RANBP2: variants seen among roughly 807,000 people sequenced by gnomAD.
The protein encoded by RANBP2 is RAN binding protein 2.
A neutral mutation model predicts 303.6 loss-of-function variants in RANBP2; 57 were observed. The observed-to-expected ratio is 0.19, with a 90% CI of 0.15 to 0.23. The LOEUF (loss-of-function observed/expected upper bound fraction) is 0.23, where lower values mean the gene tolerates loss of function less well. RANBP2 is among the 10% of genes least tolerant of loss of function. RANBP2 has a pLI of 1.00. For synonymous variants in RANBP2, 1,167 were observed against 1,301.5 expected (o/e 0.90, Z 2.23); for missense variants, 3,138 against 3,780.8 (o/e 0.83, Z 4.46).
At chr2:109,388,844 G>A in the RANBP2 span, among the ~76,000 whole-genome samples, 18 of 152,140 alleles carry the variant, frequency 1.2e-4, no homozygotes, top group Non-Finnish European at 2.5e-4. Flanking sequence ...CTAGAGAGAA[G>A]GGGGTATAGA....
In RANBP2 at chr2:108,753,943, G is replaced by C. The variant is rs148607056; in HGVS notation, c.2174G>C (p.Ser725Thr). Residue 725 changes from serine (S) to threonine (T), a missense_variant, in exon 15 of 29, where the codon AGT (serine) becomes ACT (threonine). By Grantham distance (58) the Ser-to-Thr change is moderately conservative (BLOSUM62 1). Transcript: ENST00000283195. ...RDYLIKIIDD[S>T]DSNLSVVKKL... is the part of the protein sequence containing the mutation. ...TACCTAATAAAGATTATAGATGACA[G>C]TGATTCAAATCTTTCAGTGGTCAAG... The C allele has an allele frequency of 1.9e-6, 3 of 1,611,824 alleles. No homozygotes were observed. In the African/African-American group the frequency reaches 4.0e-5, roughly 22 times the overall value.
chr2:109,201,175 T>TGGCTG, the RANBP2 span, among the ~76,000 whole-genome samples: 1 of 152,256 alleles, frequency 6.6e-6, no homozygotes, highest in South Asian at 2.1e-4. Flanking sequence ...GGCCTCTGCA[T>TGGCTG]GGCTGCAAGA....
the RANBP2 span, chr2:109,565,695 A>C: frequency 2.3e-6 from 3 of 1,279,010 alleles, no homozygotes; most frequent in Admixed American, 1.7e-5. Context: ...ACCCCAAAGA[A>C]GGCATGACAG....
chr2:108,862,287 T>C, the RANBP2 span, among the ~76,000 whole-genome samples: 4 of 152,278 alleles, frequency 2.6e-5, no homozygotes, highest in African/African-American at 7.2e-5. Context: ...TATATGGGCA[T>C]TGGTGACCAG....
At chr2:109,097,825 G>T in the RANBP2 span, among the ~76,000 whole-genome samples, 8 of 151,962 alleles carry the variant, frequency 5.3e-5, no homozygotes, top group South Asian at 1.7e-3. Flanking sequence ...GGTGGTCGGG[G>T]ACAGGCATGT....
At chr2:109,503,078 T>A in the RANBP2 span, 1 of 152,152 alleles carries the variant, frequency 6.6e-6, no homozygotes, top group Non-Finnish European at 1.5e-5. Flanking sequence ...GAATGTATAT[T>A]CATTAGCACC....
the RANBP2 span, among the ~76,000 whole-genome samples, chr2:108,978,046 C>T: frequency 1.2e-4 from 18 of 152,232 alleles, no homozygotes; most frequent in Non-Finnish European, 2.5e-4. Context: ...GGTTCAAAGT[C>T]GTTCTTCCTT....
chr2:108,848,178 G>A, the RANBP2 span, among the ~76,000 whole-genome samples: 1 of 152,118 alleles, frequency 6.6e-6, no homozygotes, highest in Non-Finnish European at 1.5e-5. Context: ...TAAGATGTTT[G>A]AAATAATATG....
At chr2:109,135,292 T>TG in the RANBP2 span, among the ~76,000 whole-genome samples, 1 of 152,052 alleles carries the variant, frequency 6.6e-6, no homozygotes, top group Non-Finnish European at 1.5e-5. Flanking sequence ...CCTGAGGCGG[T>TG]GGCCTGCCAC....
At chr2:109,630,791 C>T in the RANBP2 span, among the ~76,000 whole-genome samples, 2 of 152,152 alleles carry the variant, frequency 1.3e-5, no homozygotes, top group African/African-American at 4.8e-5. Context: ...TGAGGCTGGG[C>T]GCGGTGGCTC....
At chr2:109,432,585 G>A in the RANBP2 span, 1 of 1,613,536 alleles carries the variant, frequency 6.2e-7, no homozygotes, top group Admixed American at 1.7e-5. Flanking sequence ...TCCTCGAGAA[G>A]TGTCAGGATG....
the RANBP2 span, among the ~76,000 whole-genome samples, chr2:109,170,206 T>C: frequency 6.6e-6 from 1 of 151,916 alleles, no homozygotes; most frequent in Admixed American, 6.6e-5. Flanking sequence ...AGATGTTTTC[T>C]TTCTCTCTCT....
At chr2:109,040,200 T>G in the RANBP2 span, among the ~76,000 whole-genome samples, 2 of 152,210 alleles carry the variant, frequency 1.3e-5, no homozygotes, top group Non-Finnish European at 2.9e-5. Flanking sequence ...CAGTACAATT[T>G]ATTGAAAAGA....
the RANBP2 span, among the ~76,000 whole-genome samples, chr2:109,058,840 G>A: frequency 2.6e-5 from 4 of 152,182 alleles, no homozygotes; most frequent in African/African-American, 9.7e-5. Flanking sequence ...GAGGCTAATG[G>A]GGGCAGTGAG....
At chr2:109,407,718 A>G in the RANBP2 span, among the ~76,000 whole-genome samples, 1 of 148,800 alleles carries the variant, frequency 6.7e-6, no homozygotes, top group Admixed American at 6.7e-5. Context: ...GGGAGGCAAA[A>G]CAAAGTACCA....
the RANBP2 span, among the ~76,000 whole-genome samples, chr2:109,028,762 G>A: frequency 9.9e-5 from 15 of 151,996 alleles, no homozygotes; most frequent in African/African-American, 3.6e-4. Flanking sequence ...CTTGACCCTG[G>A]ACCTAAAGCA....
chr2:109,667,826 G>T, the RANBP2 span: 1 of 188,330 alleles, frequency 5.3e-6, no homozygotes. Flanking sequence ...GTCAGAGGGT[G>T]CAGAAGGCCA....
the RANBP2 span, chr2:109,794,824 CTTGTTCCCGACGG>C: frequency 1.9e-5 from 4 of 212,806 alleles, no homozygotes; most frequent in African/African-American, 3.1e-4. Context: ...GTTCCCGACG[CTTGTTCCCGACGG>C]TGCTCGCTCC....
the RANBP2 span, among the ~76,000 whole-genome samples, chr2:109,172,405 C>T: frequency 6.6e-6 from 1 of 152,222 alleles, no homozygotes; most frequent in Admixed American, 6.5e-5. Context: ...TGGAGGTCTT[C>T]CTTTTTCTGT....
Sources: allele counts gnomAD v4.1 joint callset (sites outside exome capture counted in the v4.1 genomes callset), GRCh38; gene constraint gnomAD v4.1.1; transcripts MANE v1.5; gene names NCBI Gene and HGNC (gene_info 2026-07-23, HGNC 2026-07-21).